PPP2R5C: variants seen among roughly 807,000 people sequenced by gnomAD.
PPP2R5C encodes protein phosphatase 2 regulatory subunit B'gamma, also known as serine/threonine-protein phosphatase 2A 56 kDa regulatory subunit gamma isoform.
PPP2R5C carries 7 observed loss-of-function variants against 68.9 expected under a neutral mutation model. The ratio of observed to expected loss-of-function variants is 0.10; its 90% CI spans 0.06 to 0.19. PPP2R5C has a LOEUF of 0.19. Among genes scored for constraint, PPP2R5C ranks in the 10% least tolerant of loss-of-function variants. The pLI, the probability that PPP2R5C is intolerant of heterozygous loss-of-function variation, is 1.00. For missense variants in PPP2R5C, 348 were observed against 641.3 expected (o/e 0.54, Z 4.94); for synonymous variants, 210 against 222.2 (o/e 0.95, Z 0.49).
At chr14:101,828,676 CTTT>C (rs547728275) in intron 1 of PPP2R5C, among the ~76,000 whole-genome samples, 5 of 131,046 alleles carry the variant, frequency 3.8e-5, no homozygotes, top group Admixed American at 7.7e-5. Flanking sequence ...CACAGATACT[CTTT>C]TTTTTTTTTT....
At chr14:101,812,326 C>T (rs1382185165) in intron 1 of PPP2R5C, among the ~76,000 whole-genome samples, 1 of 152,134 alleles carries the variant, frequency 6.6e-6, no homozygotes, top group Non-Finnish European at 1.5e-5. Context: ...GGCAGGGTGC[C>T]CGGGAGAGCA....
chr14:101,832,187 A>G (rs1214751470), intron 1 of PPP2R5C, among the ~76,000 whole-genome samples: 1 of 152,228 alleles, frequency 6.6e-6, no homozygotes, highest in Non-Finnish European at 1.5e-5. Flanking sequence ...CAACATAGAA[A>G]TCTACAGTGT....
chr14:101,925,406 C>T, exon 14 of PPP2R5C: 1 of 1,388,074 alleles, frequency 7.2e-7, no homozygotes, highest in Non-Finnish European at 9.5e-7. Context: ...CAATAACGTG[C>T]GTCCGCCTCA....
upstream of PPP2R5C, among the ~76,000 whole-genome samples, chr14:101,809,136 A>AT (rs1363588410): frequency 2.6e-5 from 4 of 152,088 alleles, no homozygotes; most frequent in African/African-American, 9.7e-5. Flanking sequence ...GCTCCATTTC[A>AT]TTTTTTTGCT....
At chr14:101,844,603 A>G (rs770757670) in intron 1 of PPP2R5C, among the ~76,000 whole-genome samples, 6 of 152,216 alleles carry the variant, frequency 3.9e-5, no homozygotes, top group Non-Finnish European at 8.8e-5. Context: ...TCTAGAAGGA[A>G]GCACTTGAAC....
chr14:101,774,526 C>T (rs757245123), intron 2 of PPP2R5C, among the ~76,000 whole-genome samples: 2 of 152,286 alleles, frequency 1.3e-5, no homozygotes, highest in East Asian at 1.9e-4. Context: ...TGCGTGGCCT[C>T]GGGGGGATTC....
intron 9 of PPP2R5C, among the ~76,000 whole-genome samples, chr14:101,902,123 TTC>T (rs980618217): frequency 1.3e-5 from 2 of 152,350 alleles, no homozygotes; most frequent in African/African-American, 4.8e-5. Flanking sequence ...GTCATCTGGC[TTC>T]TCTGTAAAGC....
At chr14:101,819,333 G>A (rs772058527) in intron 1 of PPP2R5C, 1 of 422,052 alleles carries the variant, frequency 2.4e-6, no homozygotes, top group Admixed American at 3.7e-5. Context: ...GGGTTTGCAA[G>A]GCCGTCACTG....
chr14:101,909,251 T>G (rs547997695), intron 10 of PPP2R5C, among the ~76,000 whole-genome samples: 1 of 152,266 alleles, frequency 6.6e-6, no homozygotes, highest in Non-Finnish European at 1.5e-5. Context: ...AAATCAAGTA[T>G]TGCCATTATT....
chr14:101,762,889 G>A lies in PPP2R5C; in HGVS notation c.28-16G>A. 2 of 1,573,902 alleles carry A rather than the reference G, an allele frequency of 1.3e-6. No homozygotes were observed. Among genetic ancestry groups the A allele is most frequent in the Non-Finnish European group, 1.7e-6 (2 of 1,158,388 alleles). On this transcript the variant is annotated splice_polypyrimidine_tract_variant and intron_variant, in intron 1 of 14. Transcript: ENST00000328724. ...AAAAGTGAGAAGACTAATTGACTTT[G>A]CTTGATGTTTACCAGGAATCACCAA...
intron 2 of PPP2R5C, among the ~76,000 whole-genome samples, chr14:101,771,553 C>T (rs938072960): frequency 4.6e-5 from 7 of 151,862 alleles, no homozygotes; most frequent in African/African-American, 1.7e-4. Context: ...GATGGTGAAA[C>T]CCTATCTCTA....
At chr14:101,820,934 A>G (rs2140266484) in intron 1 of PPP2R5C, 1 of 152,252 alleles carries the variant, frequency 6.6e-6, no homozygotes, top group African/African-American at 2.4e-5. Flanking sequence ...AAAGCTCTTT[A>G]GGGTTCTCCA....
At chr14:101,770,984 G>A (rs757670080) in intron 2 of PPP2R5C, among the ~76,000 whole-genome samples, 1 of 152,224 alleles carries the variant, frequency 6.6e-6, no homozygotes, top group African/African-American at 2.4e-5. Context: ...AGGGCACAGC[G>A]GTGTCTGGTT....
intron 1 of PPP2R5C, among the ~76,000 whole-genome samples, chr14:101,853,005 T>C (rs920780677): frequency 1.3e-5 from 2 of 152,172 alleles, no homozygotes; most frequent in Non-Finnish European, 2.9e-5. Context: ...GTAATAACAC[T>C]TTACTGTTAC....
intron 8 of PPP2R5C, among the ~76,000 whole-genome samples, chr14:101,897,807 TA>T (rs10684045): frequency 2.8e-3 from 384 of 139,382 alleles, no homozygotes; most frequent in Non-Finnish European, 2.7e-3. Flanking sequence ...AAGTAATATG[TA>T]AAAAAAAAAA....
chr14:101,812,160 C>A (rs2039401657), intron 1 of PPP2R5C, among the ~76,000 whole-genome samples: 1 of 152,166 alleles, frequency 6.6e-6, no homozygotes, highest in African/African-American at 2.4e-5. Context: ...ATTTATTGGG[C>A]CTTAGAGTCT....
At chr14:101,853,472 C>A (rs1460664770) in intron 1 of PPP2R5C, among the ~76,000 whole-genome samples, 1 of 152,192 alleles carries the variant, frequency 6.6e-6, no homozygotes, top group African/African-American at 2.4e-5. Flanking sequence ...TTACTCTGCT[C>A]TTCCTTCTTA....
intron 1 of PPP2R5C, among the ~76,000 whole-genome samples, chr14:101,846,564 T>G (rs1438846591): frequency 6.6e-6 from 1 of 152,218 alleles, no homozygotes; most frequent in East Asian, 1.9e-4. Context: ...AGGGTAGAAG[T>G]TAGTCTTGAC....
chr14:101,876,814 G>A (rs535162116), intron 2 of PPP2R5C, among the ~76,000 whole-genome samples: 32 of 152,144 alleles, frequency 2.1e-4, no homozygotes, highest in African/African-American at 7.5e-4. Context: ...AGTCAGAAAC[G>A]TTTGGGAAGT....
Sources: gnomAD v4.1 joint callset for allele counts (sites outside exome capture counted in the v4.1 genomes callset) on GRCh38, gnomAD v4.1.1 for gene constraint, MANE v1.5 for transcripts, NCBI Gene and HGNC (gene_info 2026-07-23, HGNC 2026-07-21) for gene names.